ANKRD44: variants seen among roughly 807,000 people sequenced by gnomAD.
ANKRD44 encodes the protein serine/threonine-protein phosphatase 6 regulatory ankyrin repeat subunit B.
ANKRD44 carries 35 observed loss-of-function variants against 116.0 expected under a neutral mutation model. The ratio of observed to expected loss-of-function variants is 0.30; its 90% confidence interval spans 0.23 to 0.40. The LOEUF is 0.40. ANKRD44 is among the 10% of genes least tolerant of loss of function. ANKRD44 has a pLI of 1.00. For synonymous variants in ANKRD44, 435 were observed against 461.8 expected (o/e 0.94, Z 0.74); for missense variants, 1,014 against 1,242.6 (o/e 0.82, Z 2.77).
chr2:197,122,512 C>A, intron 7 of ANKRD44, 138 bp downstream of exon 7: 8 of 1,164,482 alleles, frequency 6.9e-6, no homozygotes, highest in Non-Finnish European at 9.4e-6. Flanking sequence ...ATCAGTTGCC[C>A]ACAAAAACTC....
chr2:197,281,575 G>T (rs1659255100), intron 1 of ANKRD44, among the ~76,000 whole-genome samples: 1 of 152,122 alleles, frequency 6.6e-6, no homozygotes, highest in Admixed American at 6.6e-5. Context: ...TACAAAATCA[G>T]CAACAGGGAG....
intron 10 of ANKRD44, chr2:197,099,420 C>T: frequency 1.4e-6 from 1 of 707,110 alleles, no homozygotes; most frequent in Non-Finnish European, 1.7e-6. Context: ...AGCAGATTGA[C>T]TCAATTGTAC....
At chr2:197,229,579 T>C (rs1483032439) in intron 1 of ANKRD44, among the ~76,000 whole-genome samples, 1 of 152,240 alleles carries the variant, frequency 6.6e-6, no homozygotes, top group East Asian at 1.9e-4. Context: ...AAACATAGTG[T>C]TTGTCCTTTA....
intron 1 of ANKRD44, among the ~76,000 whole-genome samples, chr2:197,199,978 T>G (rs932907603): frequency 6.6e-6 from 1 of 152,192 alleles, no homozygotes; most frequent in Admixed American, 6.5e-5. Context: ...CACAGAGAAG[T>G]GCTACCAGAG....
At chr2:197,070,964 T>C (rs2077546198) in intron 16 of ANKRD44, among the ~76,000 whole-genome samples, 1 of 152,190 alleles carries the variant, frequency 6.6e-6, no homozygotes, top group Admixed American at 6.5e-5. Context: ...TGGTAGTTTG[T>C]GTTTTTCAAT....
chr2:197,001,549 C>T (rs1353193372), intron 22 of ANKRD44, among the ~76,000 whole-genome samples: 1 of 152,188 alleles, frequency 6.6e-6, no homozygotes, highest in Non-Finnish European at 1.5e-5. Context: ...GGCATCTTTG[C>T]CACTTTGGAA....
At chr2:197,148,354 T>G (rs2079558851) in intron 2 of ANKRD44, among the ~76,000 whole-genome samples, 1 of 152,190 alleles carries the variant, frequency 6.6e-6, no homozygotes, top group African/African-American at 2.4e-5. Flanking sequence ...ACACGTATGG[T>G]TTCTTCCACT....
Position 197,149,492 on chromosome 2 carries a change from C to A in ANKRD44, c.112-2387G>T, listed in dbSNP as rs143456955. Among the ~76,000 whole-genome samples, 6 of 152,262 alleles carry A rather than the reference C, an allele frequency of 3.9e-5. No individual in the cohort carries two copies. In the East Asian group the frequency reaches 9.6e-4, roughly 24 times the overall value. On this transcript the variant is annotated intron_variant, in intron 2 of 27. Transcript: ENST00000282272. The stretch of plus-strand genomic sequence containing the variant: ...ATTCTTGATGATGAATCCCAGTGTT[C>A]CTGTTAATATGTGCTTAAAGGTTTC...
At chr2:197,206,036 C>T (rs796373468) in intron 1 of ANKRD44, among the ~76,000 whole-genome samples, 5 of 152,234 alleles carry the variant, frequency 3.3e-5, no homozygotes, top group African/African-American at 1.2e-4. Flanking sequence ...GCAAGTAAGA[C>T]TGAACAGAAG....
chr2:197,026,055 A>AAAAAAC (rs750055441), intron 16 of ANKRD44, among the ~76,000 whole-genome samples: 1 of 151,280 alleles, frequency 6.6e-6, no homozygotes, highest in Admixed American at 6.6e-5. Flanking sequence ...AACAAAAAAA[A>AAAAAAC]AAAAAACACC....
intron 1 of ANKRD44, among the ~76,000 whole-genome samples, chr2:197,189,569 C>T (rs1266525082): frequency 3.9e-5 from 6 of 151,920 alleles, no homozygotes; most frequent in African/African-American, 7.2e-5. Context: ...TTCAGGGTTT[C>T]GACAAAAAAA....
chr2:197,079,803 ACT>A lies in ANKRD44; in HGVS notation c.1539-991_1539-990del, dbSNP rs1491127846. Reference sequence around the variant, plus strand: ...GAAAATTTCTATAGTTTACCCAAAAACTATAAATAGCATTTACCTATCTTTTG... The same window carrying A: ...GAAAATTTCTATAGTTTACCCAAAAAATAAATAGCATTTACCTATCTTTTG... On this transcript the variant is annotated intron_variant, in intron 15 of 27. Coordinates refer to ENST00000282272, the MANE Select transcript of ANKRD44 (RefSeq NM_001195144.2). Among the ~76,000 whole-genome samples, 59 of 145,000 alleles carry A rather than the reference ACT, an allele frequency of 4.1e-4. No individual in the cohort carries two copies. In the East Asian group the frequency reaches 0.011, roughly 27 times the overall value.
At chr2:197,131,154 A>G (rs1414176239) in intron 4 of ANKRD44, among the ~76,000 whole-genome samples, 1 of 151,980 alleles carries the variant, frequency 6.6e-6, no homozygotes, top group Non-Finnish European at 1.5e-5. Context: ...AATAATATAC[A>G]GAAAGTCCTT....
intron 21 of ANKRD44, 21 bp downstream of exon 21, chr2:197,005,673 G>A (rs1368449183): frequency 6.2e-7 from 1 of 1,611,860 alleles, no homozygotes; most frequent in Non-Finnish European, 8.5e-7. Context: ...AGTGGAATCA[G>A]TCAAATGATA....
intron 13 of ANKRD44, among the ~76,000 whole-genome samples, chr2:197,083,837 G>A (rs1019096521): frequency 6.6e-5 from 10 of 152,196 alleles, no homozygotes; most frequent in African/African-American, 2.4e-4. Flanking sequence ...ATTTTCAGAT[G>A]AGGGGTGCTT....
At chr2:197,079,806 A>T (rs34736327) in intron 15 of ANKRD44, among the ~76,000 whole-genome samples, 28,103 of 152,116 alleles carry the variant, frequency 0.18, 2,628 homozygotes, top group African/African-American at 0.22. Context: ...CCCAAAAACT[A>T]TAAATAGCAT....
At position 197,221,450 on chromosome 2, in the gene ANKRD44, T is replaced by A. The variant is rs549824890; in HGVS notation, c.28-34344A>T. Reference sequence around the variant, plus strand: ...ATACCACCATGCCCAGCTAATTTTTTATTTTTTTGAAGAAATGTCATCTCA... The same window carrying A: ...ATACCACCATGCCCAGCTAATTTTTAATTTTTTTGAAGAAATGTCATCTCA... On this transcript the variant is annotated intron_variant, in intron 1 of 27. Coordinates refer to ENST00000282272, the MANE Select transcript of ANKRD44 (RefSeq NM_001195144.2). 1.6e-4 allele frequency among the ~76,000 whole-genome samples: 24 copies of A among 152,238 alleles called. No homozygotes were observed. The South Asian group carries it at 5.0e-3, about 32-fold the overall frequency.
At chr2:197,238,304 A>G (rs557379159) in intron 1 of ANKRD44, among the ~76,000 whole-genome samples, 8 of 151,004 alleles carry the variant, frequency 5.3e-5, no homozygotes, top group Admixed American at 2.0e-4. Flanking sequence ...TAAACAAACC[A>G]TATCACATCC....
intron 8 of ANKRD44, among the ~76,000 whole-genome samples, chr2:197,115,676 G>C (rs2078691521): frequency 6.6e-6 from 1 of 152,152 alleles, no homozygotes; most frequent in Non-Finnish European, 1.5e-5. Context: ...CTCAACTTTT[G>C]GAAAATCTAA....
Sources: allele counts gnomAD v4.1 joint callset (sites outside exome capture counted in the v4.1 genomes callset), GRCh38; gene constraint gnomAD v4.1.1; transcripts MANE v1.5; gene names NCBI Gene and HGNC (gene_info 2026-07-23, HGNC 2026-07-21).